MEGF6: variants seen among roughly 807,000 people sequenced by gnomAD.
The protein encoded by MEGF6 is multiple epidermal growth factor-like domains protein 6.
Under a neutral mutation model 207.1 loss-of-function variants are expected in MEGF6, and 184 were observed. That is an observed-to-expected ratio of 0.89 (90% CI 0.79 to 1.00). MEGF6 has a LOEUF of 1.00. Among genes scored for constraint, MEGF6 ranks in the 50% least tolerant of loss-of-function variants. The probability of loss-of-function intolerance (pLI) is 0.00; values close to 1 mark genes in which losing one functional copy is unlikely to be tolerated. For synonymous variants in MEGF6, 1,038 were observed against 910.0 expected, an observed-to-expected ratio of 1.14 and a Z score of -2.53; for missense variants, 2,282 against 2,202.9, an observed-to-expected ratio of 1.04 and a Z score of -0.72.
intron 3 of MEGF6, among the ~76,000 whole-genome samples, chr1:3,586,119 CTG>C (rs1243396528): frequency 2.2e-5 from 3 of 138,804 alleles, no homozygotes; most frequent in Admixed American, 7.4e-5. Flanking sequence ...GACACGTGTC[CTG>C]TGTGTGGGTG....
chr1:3,494,969 G>A (rs995222928), intron 30 of MEGF6, among the ~76,000 whole-genome samples: 2 of 152,238 alleles, frequency 1.3e-5, no homozygotes, highest in Non-Finnish European at 2.9e-5. Flanking sequence ...GGAACTGAGG[G>A]TGGCTCAGTC....
At chr1:3,528,923 C>T (rs1157100360) in intron 4 of MEGF6, among the ~76,000 whole-genome samples, 2 of 152,124 alleles carry the variant, frequency 1.3e-5, no homozygotes, top group African/African-American at 2.4e-5. Flanking sequence ...TATTTGTTAC[C>T]GCACCCACGG....
At chr1:3,608,670 C>T (rs1426086064) in intron 1 of MEGF6, among the ~76,000 whole-genome samples, 1 of 152,218 alleles carries the variant, frequency 6.6e-6, no homozygotes, top group Non-Finnish European at 1.5e-5. Flanking sequence ...AGCAGCACCT[C>T]TCAGGGTCTC....
rs1285165339 is a variant in MEGF6, at chr1:3,489,713, C to T, written c.*815G>A. ...CTGGGAACAGCCAGTCTCTGGGTCT[C>T]AGCGGTAATGAATGCAGCCCCAGCG... On this transcript the variant is annotated 3_prime_UTR_variant, in exon 37 of 37. Coordinates refer to ENST00000356575, the MANE Select transcript of MEGF6 (RefSeq NM_001409.4). Among the ~76,000 whole-genome samples the T allele has an allele frequency of 1.3e-5, 2 of 152,206 alleles. No homozygotes were observed. Among genetic ancestry groups the T allele is most frequent in the Non-Finnish European group, 2.9e-5 (2 of 68,026 alleles).
chr1:3,503,426 T>C (rs1354348124), intron 17 of MEGF6, among the ~76,000 whole-genome samples: 1 of 151,934 alleles, frequency 6.6e-6, no homozygotes, highest in African/African-American at 2.4e-5. Flanking sequence ...CTGTGGCTTA[T>C]CCTCGGAGCA....
At chr1:3,505,363 G>A (rs1364418703) in intron 16 of MEGF6, 21 bp from the exon 17 acceptor site, 3 of 1,608,244 alleles carry the variant, frequency 1.9e-6, no homozygotes, top group East Asian at 4.5e-5. Flanking sequence ...TGAGAGAGGG[G>A]TGGGTGGGGT....
chr1:3,543,828 C>T (rs1015333707), intron 4 of MEGF6, among the ~76,000 whole-genome samples: 3 of 152,248 alleles, frequency 2.0e-5, no homozygotes, highest in Non-Finnish European at 4.4e-5. Flanking sequence ...AATGTGTTTG[C>T]CGTCACCATG....
chr1:3,513,026 G>A (rs1235583567), intron 7 of MEGF6, among the ~76,000 whole-genome samples: 2 of 152,110 alleles, frequency 1.3e-5, no homozygotes, highest in East Asian at 1.9e-4. Flanking sequence ...TGTGGCAGAG[G>A]GGGCAGCGGT....
At chr1:3,528,658 C>T (rs1303598554) in intron 4 of MEGF6, among the ~76,000 whole-genome samples, 1 of 151,886 alleles carries the variant, frequency 6.6e-6, no homozygotes. Flanking sequence ...GAGATGTGAG[C>T]GTGGAAGCAG....
At chr1:3,498,932 C>A in intron 24 of MEGF6, 106 bp from the exon 25 acceptor site, 1 of 1,460,260 alleles carries the variant, frequency 6.8e-7, no homozygotes, top group Non-Finnish European at 9.2e-7. Flanking sequence ...AGGCACCTTG[C>A]AGGGGGCTGC....
At chr1:3,495,399 G>A (rs1640557532) in intron 30 of MEGF6, among the ~76,000 whole-genome samples, 2 of 152,192 alleles carry the variant, frequency 1.3e-5, no homozygotes, top group Non-Finnish European at 1.5e-5. Flanking sequence ...CACTGGGCCT[G>A]TCTGAGCAGG....
At chr1:3,552,608 C>T (rs1557771539) in intron 4 of MEGF6, among the ~76,000 whole-genome samples, 1 of 152,188 alleles carries the variant, frequency 6.6e-6, no homozygotes, top group Non-Finnish European at 1.5e-5. Flanking sequence ...GCAGGAGGAT[C>T]GACGGCCTGA....
intron 4 of MEGF6, among the ~76,000 whole-genome samples, chr1:3,577,918 A>G (rs952005422): frequency 1.3e-5 from 2 of 152,128 alleles, no homozygotes; most frequent in Admixed American, 6.5e-5. Context: ...GTTCCCCCAC[A>G]GGGTGTGCAG....
intron 3 of MEGF6, among the ~76,000 whole-genome samples, chr1:3,580,286 G>A (rs1643762316): frequency 6.6e-6 from 1 of 151,582 alleles, no homozygotes; most frequent in African/African-American, 2.4e-5. Flanking sequence ...GGAGGGGTGG[G>A]CTGCCCAGTG....
In MEGF6 at chr1:3,563,955, G is replaced by T. The variant is rs147581455; in HGVS notation, c.481+15870C>A. Among the ~76,000 whole-genome samples, 1,288 of 152,328 alleles carry T rather than the reference G, an allele frequency of 8.5e-3. 15 individuals are homozygous for T. The highest frequency in any genetic ancestry group is 0.029 in the African/African-American group (1,200 of 41,570). On this transcript the variant is annotated intron_variant, in intron 4 of 36. Transcript: ENST00000356575. ...GACCTGAGGGCACTTGTCCTGCCAGGCCAGCCCCTCCTGGGCATAGGCACA... is the reference window on the plus strand; with the variant it reads ...GACCTGAGGGCACTTGTCCTGCCAGTCCAGCCCCTCCTGGGCATAGGCACA...
rs200837804 is a variant in MEGF6 at position 3,505,395 on chromosome 1, G to A, written c.2053+27C>T. ...GGGTTAACCGACCCTGGCGCCCCCC[G>A]CCCCCAGACCCCATGCCTGGACTCA... On this transcript the variant is annotated intron_variant, in intron 16 of 36. Coordinates refer to ENST00000356575, the MANE Select transcript of MEGF6 (RefSeq NM_001409.4). The A allele has an allele frequency of 8.1e-5, 127 of 1,569,040 alleles. 1 individual carries two copies. The highest frequency in any genetic ancestry group is 1.2e-4 in the East Asian group (5 of 43,220).
chr1:3,554,297 C>G (rs560496842), intron 4 of MEGF6, among the ~76,000 whole-genome samples: 3 of 152,136 alleles, frequency 2.0e-5, no homozygotes, highest in Admixed American at 6.5e-5. Context: ...CAGGCGGCTC[C>G]GAGAGAGTGT....
intron 3 of MEGF6, among the ~76,000 whole-genome samples, chr1:3,584,783 G>T (rs1037174724): frequency 6.6e-6 from 1 of 152,226 alleles, no homozygotes; most frequent in African/African-American, 2.4e-5. Flanking sequence ...CAGAATCCAG[G>T]GTAGGTCTCT....
intron 4 of MEGF6, 84 bp from the exon 5 acceptor site, chr1:3,524,330 C>T: frequency 6.5e-7 from 1 of 1,549,054 alleles, no homozygotes; most frequent in Non-Finnish European, 8.8e-7. Context: ...GCCGGGGGCC[C>T]AGACCCAGGT....
Sources: allele counts gnomAD v4.1 joint callset (sites outside exome capture counted in the v4.1 genomes callset), GRCh38; gene constraint gnomAD v4.1.1; transcripts MANE v1.5; gene names NCBI Gene and HGNC (gene_info 2026-07-23, HGNC 2026-07-21).